Variants in ANO3 observed in about 807,000 individuals in gnomAD.
ANO3 encodes anoctamin 3, also known as anoctamin-3.
Under a neutral mutation model 144.8 loss-of-function variants are expected in ANO3, and 99 were observed. The ratio of observed to expected loss-of-function variants is 0.68; its 90% confidence interval spans 0.58 to 0.81. ANO3 has a LOEUF of 0.81. Ranked by LOEUF, ANO3 falls within the 30% of genes least tolerant of loss-of-function variation. ANO3 has a pLI of 0.00. For synonymous variants in ANO3, 414 were observed against 392.6 expected, an observed-to-expected ratio of 1.05 and a Z score of -0.64; for missense variants, 905 against 1,202.2, an observed-to-expected ratio of 0.75 and a Z score of 3.66.
At chr11:26,441,811 CT>C in intron 1 of ANO3, 106 bp from the exon 2 acceptor site, 1 of 782,246 alleles carries the variant, frequency 1.3e-6, no homozygotes, top group Non-Finnish European at 2.1e-6. Context: ...CTAAGTGGCA[CT>C]TTTCAATAGT....
intron 4 of ANO3, among the ~76,000 whole-genome samples, chr11:26,507,078 T>C (rs959649428): frequency 1.3e-5 from 2 of 152,196 alleles, no homozygotes; most frequent in Non-Finnish European, 2.9e-5. Context: ...AGATAATAGT[T>C]ATGAACATGA....
chr11:26,252,139 C>G (rs1474818044), intron 1 of ANO3, among the ~76,000 whole-genome samples: 2 of 152,030 alleles, frequency 1.3e-5, no homozygotes. Flanking sequence ...AGTTCAAATT[C>G]AACTTTAGCC....
intron 14 of ANO3, chr11:26,566,907 C>G (rs914934618): frequency 1.3e-5 from 8 of 601,206 alleles, no homozygotes; most frequent in Non-Finnish European, 1.8e-5. Context: ...AATGGGCTGA[C>G]TTAGGTAGCA....
At chr11:26,525,921 G>A (rs796949802) in intron 7 of ANO3, among the ~76,000 whole-genome samples, 43 of 151,350 alleles carry the variant, frequency 2.8e-4, no homozygotes, top group African/African-American at 1.0e-3. Context: ...TATGGAAGGA[G>A]GACTTTAATC....
chr11:26,492,219 C>T (rs1310673280), intron 4 of ANO3, among the ~76,000 whole-genome samples: 4 of 152,152 alleles, frequency 2.6e-5, no homozygotes, highest in African/African-American at 9.7e-5. Flanking sequence ...TTAGAGTCAG[C>T]GAGCTGAGCT....
chr11:26,194,205 G>A (rs1413607405), intron 1 of ANO3, among the ~76,000 whole-genome samples: 1 of 151,978 alleles, frequency 6.6e-6, no homozygotes, highest in African/African-American at 2.4e-5. Context: ...ATTTATATGA[G>A]GCAAATTGCA....
At chr11:26,574,421 C>A (rs962753831) in intron 14 of ANO3, among the ~76,000 whole-genome samples, 9 of 152,088 alleles carry the variant, frequency 5.9e-5, no homozygotes, top group Non-Finnish European at 1.3e-4. Flanking sequence ...GCTGATGTCA[C>A]ATGTAGGGAA....
chr11:26,559,969 A>T (rs969470234), intron 14 of ANO3, 190 bp downstream of exon 14: 32 of 463,608 alleles, frequency 6.9e-5, no homozygotes, highest in Non-Finnish European at 1.1e-4. Context: ...TTAACTCTTG[A>T]TCTCATCCTC....
In ANO3 at chr11:26,397,048, A is replaced by G. The variant is rs186509733; in HGVS notation, c.47-44870A>G. Among the ~76,000 whole-genome samples the G allele has an allele frequency of 1.5e-3, 214 of 143,786 alleles. 4 individuals are homozygous for G. The South Asian group carries it at 0.023, about 16-fold the overall frequency. The allele number at this position is 143,786 out of a possible 152,430, so 94.3% of individuals were successfully genotyped here. ...AAATGGATTATTCCCTGCAGCCAGA[A>G]GGCTGTGAAACAGAACCTTTAGTTT... On this transcript the variant is annotated intron_variant, in intron 1 of 26. Coordinates refer to ENST00000256737, the MANE Select transcript of ANO3 (RefSeq NM_031418.4).
chr11:26,305,157 CAA>C (rs60302507), upstream of ANO3, among the ~76,000 whole-genome samples: 2,938 of 101,188 alleles, frequency 0.029, 58 homozygotes, highest in East Asian at 0.17. Flanking sequence ...CCCTACAAGG[CAA>C]AAAAAAAAAA....
chr11:26,647,446 C>A (rs992844970), intron 23 of ANO3, among the ~76,000 whole-genome samples: 1 of 152,140 alleles, frequency 6.6e-6, no homozygotes, highest in Non-Finnish European at 1.5e-5. Context: ...TGCACCTGTG[C>A]CATGTCTCAT....
At chr11:26,616,051 A>G (rs1424461617) in intron 17 of ANO3, among the ~76,000 whole-genome samples, 1 of 152,150 alleles carries the variant, frequency 6.6e-6, no homozygotes, top group Non-Finnish European at 1.5e-5. Flanking sequence ...AAATCATACC[A>G]CTGTGATAAT....
chr11:26,233,134 G>C (rs955684397), intron 1 of ANO3, among the ~76,000 whole-genome samples: 4 of 151,266 alleles, frequency 2.6e-5, no homozygotes, highest in Non-Finnish European at 4.4e-5. Context: ...GGAGAATGGC[G>C]TGAACCCAGG....
chr11:26,223,193 T>C (rs1852184752), intron 1 of ANO3, among the ~76,000 whole-genome samples: 1 of 152,158 alleles, frequency 6.6e-6, no homozygotes, highest in South Asian at 2.1e-4. Context: ...ACATCTTGAA[T>C]TCTTTACTAC....
At chr11:26,467,322 A>T (rs1859633820) in intron 4 of ANO3, among the ~76,000 whole-genome samples, 1 of 151,982 alleles carries the variant, frequency 6.6e-6, no homozygotes, top group African/African-American at 2.4e-5. Flanking sequence ...TTTAAAATGT[A>T]CAAGTAAATC....
chr11:26,373,365 C>T (rs552048626), intron 1 of ANO3, among the ~76,000 whole-genome samples: 1 of 152,272 alleles, frequency 6.6e-6, no homozygotes, highest in Admixed American at 6.5e-5. Flanking sequence ...AGTGGCTCTT[C>T]CTTCTTCGCT....
chr11:26,319,831 TA>T (rs1242090934), intron 1 of ANO3, among the ~76,000 whole-genome samples: 1 of 151,966 alleles, frequency 6.6e-6, no homozygotes, highest in Non-Finnish European at 1.5e-5. Flanking sequence ...TTTATTTTTT[TA>T]AAAATATTTC....
chr11:26,575,050 A>G (rs1490527943), intron 14 of ANO3, among the ~76,000 whole-genome samples: 2 of 152,126 alleles, frequency 1.3e-5, no homozygotes, highest in Admixed American at 6.6e-5. Context: ...TGATAAGACT[A>G]TAGCAAAACC....
intron 1 of ANO3, among the ~76,000 whole-genome samples, chr11:26,428,488 G>A (rs529715405): frequency 1.3e-5 from 2 of 152,276 alleles, no homozygotes; most frequent in African/African-American, 2.4e-5. Flanking sequence ...AACAAGTAGA[G>A]CAATATTTTC....
Sources: allele counts gnomAD v4.1 joint callset (sites outside exome capture counted in the v4.1 genomes callset), GRCh38; gene constraint gnomAD v4.1.1; transcripts MANE v1.5; gene names NCBI Gene and HGNC (gene_info 2026-07-23, HGNC 2026-07-21).